Variants in ALS2 observed in about 807,000 individuals in gnomAD.
ALS2 encodes the protein alsin.
Under a neutral mutation model 203.4 loss-of-function variants are expected in ALS2, and 117 were observed. The observed-to-expected ratio is 0.58, with a 90% CI of 0.50 to 0.67. ALS2 has a LOEUF of 0.67. Ranked by LOEUF, ALS2 falls within the 30% of genes least tolerant of loss-of-function variation. The probability of loss-of-function intolerance (pLI) is 0.00; values close to 1 mark genes in which losing one functional copy is unlikely to be tolerated. For missense variants in ALS2, 1,715 were observed against 1,989.4 expected, an observed-to-expected ratio of 0.86 and a Z score of 2.62; for synonymous variants, 718 against 725.9, an observed-to-expected ratio of 0.99 and a Z score of 0.17.
chr2:201,720,029 C>T, intron 23 of ALS2: 1 of 346,280 alleles, frequency 2.9e-6, no homozygotes, highest in Non-Finnish European at 5.5e-6. Flanking sequence ...TGAATTCTCC[C>T]AAACATTCAA....
At chr2:201,708,077 A>G in intron 27 of ALS2, 86 bp from the exon 28 acceptor site, 1 of 1,299,346 alleles carries the variant, frequency 7.7e-7, no homozygotes, top group Non-Finnish European at 1.1e-6. Flanking sequence ...TAGTTATGAG[A>G]GCAAGCTTTA....
rs557081358 is a variant in ALS2, at chr2:201,741,823, C to T, written c.2202G>A (p.Leu734=). ...TGAATCGGCTAGCCACCTCCTGCAACAGCTGGACTGTAGTTGTAGTGCCCA... is the reference window on the plus strand; with the variant it reads ...TGAATCGGCTAGCCACCTCCTGCAATAGCTGGACTGTAGTTGTAGTGCCCA... ...ENLGTTTTVQ[L]LQEVASRFSK... The change falls in exon 11 of 34, where the codon CTG becomes CTA. Residue 734 remains leucine, a synonymous_variant. Transcript: ENST00000264276. 2 of 1,614,070 alleles carry T rather than the reference C, an allele frequency of 1.2e-6. No homozygotes were observed. The highest frequency in any genetic ancestry group is 2.7e-5 in the African/African-American group (2 of 75,042).
At chr2:201,765,246 T>C (rs1559087304) in intron 3 of ALS2, 1 of 152,266 alleles carries the variant, frequency 6.6e-6, no homozygotes, top group Non-Finnish European at 1.5e-5. Flanking sequence ...CAGGCTGATC[T>C]TGAACCCCTA....
intron 24 of ALS2, among the ~76,000 whole-genome samples, chr2:201,717,501 C>T (rs1690479923): frequency 1.3e-5 from 2 of 151,410 alleles, no homozygotes; most frequent in South Asian, 4.2e-4. Context: ...AAAGAACACT[C>T]TCTCACACAT....
chr2:201,706,713 G>T, intron 29 of ALS2, 133 bp downstream of exon 29: 1 of 849,582 alleles, frequency 1.2e-6, no homozygotes, highest in Non-Finnish European at 1.8e-6. Context: ...TCACTATTTT[G>T]TTAAAGAAGA....
chr2:201,718,461 A>G (rs1690550096), intron 23 of ALS2, among the ~76,000 whole-genome samples: 1 of 151,950 alleles, frequency 6.6e-6, no homozygotes, highest in African/African-American at 2.4e-5. Flanking sequence ...GGGTTTCACC[A>G]TGTTGGCCAG....
chr2:201,774,964 T>C (rs1295701087), intron 1 of ALS2, among the ~76,000 whole-genome samples: 1 of 152,184 alleles, frequency 6.6e-6, no homozygotes, highest in Admixed American at 6.5e-5. Context: ...TCTATAGAGT[T>C]AGACAGTACC....
intron 23 of ALS2, chr2:201,720,027 C>A: frequency 3.0e-6 from 1 of 337,538 alleles, no homozygotes; most frequent in Non-Finnish European, 5.6e-6. Flanking sequence ...GGTGAATTCT[C>A]CCAAACATTC....
At chr2:201,715,650 T>A in intron 25 of ALS2, 22 bp downstream of exon 25, 5 of 1,614,002 alleles carry the variant, frequency 3.1e-6, no homozygotes, top group Non-Finnish European at 4.2e-6. Context: ...CTCTGCTGTA[T>A]GTTGAGCAGG....
At chr2:201,715,897 A>G in intron 24 of ALS2, 58 bp from the exon 25 acceptor site, 1 of 1,602,428 alleles carries the variant, frequency 6.2e-7, no homozygotes, top group Non-Finnish European at 8.5e-7. Flanking sequence ...ATTGTTCCAA[A>G]GAACAGAAAC....
chr2:201,704,324 T>C, intron 32 of ALS2, 106 bp from the exon 33 acceptor site: 1 of 1,476,200 alleles, frequency 6.8e-7, no homozygotes, highest in Non-Finnish European at 9.4e-7. Flanking sequence ...AAAAGGGTAA[T>C]GTCACAGTGG....
At position 201,729,598 on chromosome 2, in the gene ALS2, T is replaced by C. The variant is rs570911795; in HGVS notation, c.2581-415A>G. On this transcript the variant is annotated intron_variant, in intron 13 of 33. Coordinates refer to ENST00000264276, the MANE Select transcript of ALS2 (RefSeq NM_020919.4). ...TAATTCACTTACAAAAATTTTTTAA[T>C]GGTAGGGCGCGGTGGCTCACACCTG... 4.7e-4 allele frequency among the ~76,000 whole-genome samples: 71 copies of C among 152,170 alleles called. 1 individual carries two copies. The highest frequency in any genetic ancestry group is 1.7e-3 in the African/African-American group (70 of 41,540).
intron 1 of ALS2, chr2:201,780,122 T>C (rs1694830252): frequency 6.6e-6 from 1 of 152,246 alleles, no homozygotes; most frequent in Non-Finnish European, 1.5e-5. Flanking sequence ...GATATGCCAC[T>C]TCAACAAGAG....
intron 23 of ALS2, among the ~76,000 whole-genome samples, chr2:201,719,639 T>C (rs1175185727): frequency 1.3e-5 from 2 of 152,050 alleles, no homozygotes; most frequent in East Asian, 3.9e-4. Context: ...CAGAGGGAAC[T>C]ATCTTAGGCC....
intron 20 of ALS2, 99 bp from the exon 21 acceptor site, chr2:201,724,558 G>T: frequency 8.5e-7 from 1 of 1,176,188 alleles, no homozygotes; most frequent in Non-Finnish European, 1.3e-6. Context: ...CAGTCTCACT[G>T]GTAGCTATAA....
At position 201,705,178 on chromosome 2, in the gene ALS2, G is replaced by C. The variant is rs770366778; in HGVS notation, c.4649C>G (p.Ala1550Gly). ...SKKVLPTTKD[A>G]CFASAVECLQ... ...ACATTCTACTGCTGAGGCAAAACAA[G>C]CATCTTTCGTGGTTGGCAAAACCTG... Residue 1550 changes from alanine (A) to glycine (G), a missense_variant, in exon 31 of 34, where the codon GCT becomes GGT. Physicochemically the swap from Ala to Gly is moderately conservative, Grantham distance 60. Coordinates refer to ENST00000264276, the MANE Select transcript of ALS2 (RefSeq NM_020919.4). 5.0e-6 allele frequency: 8 copies of C among 1,614,008 alleles called. No individual in the cohort carries two copies. Among genetic ancestry groups the C allele is most frequent in the African/African-American group, 1.3e-5 (1 of 74,936 alleles).
At position 201,718,082 on chromosome 2, in the gene ALS2, T is replaced by G; in HGVS notation, c.3831A>C (p.Lys1277Asn). ...AATTAACACTAGTTACTCACAAAAC[T>G]TTAGGTCTGTCTTTATCACTCTCAT... ...SLYESDKDRPKVFRKLGNLAV... is the reference protein window; with the variant it reads ...SLYESDKDRPNVFRKLGNLAV... The change falls in exon 24 of 34, where the codon AAA (lysine) becomes AAC (asparagine). Residue 1277 changes from lysine (K) to asparagine (N), a missense_variant. This residue lies in a region of ALS2 where 1,227 missense variants were observed against 1,413.5 expected (regional missense o/e 0.87). Coordinates refer to ENST00000264276, the MANE Select transcript of ALS2 (RefSeq NM_020919.4). The G allele has an allele frequency of 6.2e-7, 1 of 1,613,634 alleles. No individual in the cohort carries two copies. Among genetic ancestry groups the G allele is most frequent in the South Asian group, 1.1e-5 (1 of 91,066 alleles).
intron 28 of ALS2, among the ~76,000 whole-genome samples, chr2:201,707,521 C>A (rs965484271): frequency 2.6e-5 from 4 of 152,036 alleles, no homozygotes; most frequent in Non-Finnish European, 5.9e-5. Context: ...CTTTAACCTC[C>A]CAGGCCCAAG....
intron 26 of ALS2, among the ~76,000 whole-genome samples, 182 bp from the exon 27 acceptor site, chr2:201,710,220 G>A (rs1689954869): frequency 6.6e-6 from 1 of 152,028 alleles, no homozygotes; most frequent in Non-Finnish European, 1.5e-5. Context: ...ATTATATGAA[G>A]CTGGAGTTCC....
Sources: allele counts gnomAD v4.1 joint callset (sites outside exome capture counted in the v4.1 genomes callset), GRCh38; gene constraint gnomAD v4.1.1; regional missense constraint gnomAD v4.1.1; transcripts MANE v1.5; gene names NCBI Gene and HGNC (gene_info 2026-07-23, HGNC 2026-07-21).